Variants in SGCZ observed in about 807,000 individuals in gnomAD.
SGCZ encodes zeta-sarcoglycan.
Under a neutral mutation model 41.3 loss-of-function variants are expected in SGCZ, and 40 were observed. That is an observed-to-expected ratio of 0.97 (90% CI 0.75 to 1.26). SGCZ has a LOEUF of 1.26. SGCZ is among the 50% of genes most tolerant of loss of function. The pLI is 0.00. For synonymous variants in SGCZ, 206 were observed against 137.5 expected, an observed-to-expected ratio of 1.50 and a Z score of -3.49; for missense variants, 552 against 369.8, an observed-to-expected ratio of 1.49 and a Z score of -4.04.
chr8:15,110,741 G>A (rs999460261), intron 1 of SGCZ, among the ~76,000 whole-genome samples: 2 of 152,160 alleles, frequency 1.3e-5, no homozygotes, highest in African/African-American at 2.4e-5. Flanking sequence ...AGCCAAGGCG[G>A]GCGGATCACC....
At chr8:14,889,346 C>A (rs921630091) in intron 1 of SGCZ, among the ~76,000 whole-genome samples, 2 of 151,788 alleles carry the variant, frequency 1.3e-5, no homozygotes, top group Non-Finnish European at 2.9e-5. Flanking sequence ...TTTACTTCAA[C>A]CTGTATTTAA....
rs77724170 is a variant in SGCZ at position 14,761,931 on chromosome 8, G to A, written c.40-207005C>T. ...CTGAGGAAACCACCTTTCCAAGTGCGTAGAGTCAGAACTGCACCAATTTCT... is the reference window on the plus strand; with the variant it reads ...CTGAGGAAACCACCTTTCCAAGTGCATAGAGTCAGAACTGCACCAATTTCT... On this transcript the variant is annotated intron_variant, in intron 1 of 7. Transcript: ENST00000382080. Among the ~76,000 whole-genome samples, 475 of 152,222 alleles carry A rather than the reference G, an allele frequency of 3.1e-3. 1 individual carries two copies. Among genetic ancestry groups the A allele is most frequent in the Non-Finnish European group, 5.7e-3 (388 of 68,016 alleles).
chr8:15,001,934 G>C (rs1802439564), intron 1 of SGCZ, among the ~76,000 whole-genome samples: 1 of 152,076 alleles, frequency 6.6e-6, no homozygotes, highest in Non-Finnish European at 1.5e-5. Flanking sequence ...TTTGATTCCT[G>C]ATGATACCAG....
At chr8:15,102,460 A>G (rs570729567) in intron 1 of SGCZ, among the ~76,000 whole-genome samples, 2 of 152,336 alleles carry the variant, frequency 1.3e-5, no homozygotes, top group South Asian at 2.1e-4. Context: ...GACATTATGC[A>G]TTTGTCAAAA....
intron 3 of SGCZ, among the ~76,000 whole-genome samples, chr8:14,277,938 G>A (rs1800293401): frequency 6.6e-6 from 1 of 152,106 alleles, no homozygotes; most frequent in Non-Finnish European, 1.5e-5. Flanking sequence ...GAGAGAGACA[G>A]ACAAAAGAAG....
In SGCZ at chr8:14,087,121, C is replaced by G. The variant is rs528848176; in HGVS notation, c.*3322G>C. Among the ~76,000 whole-genome samples the G allele has an allele frequency of 2.8e-4, 43 of 151,568 alleles. No individual in the cohort carries two copies. The highest frequency in any genetic ancestry group is 8.7e-4 in the African/African-American group (36 of 41,446). ...AGTAAAATTTGAGGTGTATAATTGTCTTAAACTCTTAGATAAATAATTATG... is the reference window on the plus strand; with the variant it reads ...AGTAAAATTTGAGGTGTATAATTGTGTTAAACTCTTAGATAAATAATTATG... On this transcript the variant is annotated 3_prime_UTR_variant, in exon 8 of 8. Transcript: ENST00000382080.
chr8:14,801,213 G>A (rs949377968), intron 1 of SGCZ, among the ~76,000 whole-genome samples: 4 of 152,138 alleles, frequency 2.6e-5, no homozygotes. Context: ...CACAAACTCA[G>A]TGTATTGAAA....
At chr8:15,049,329 A>G (rs1006912521) in intron 1 of SGCZ, among the ~76,000 whole-genome samples, 4 of 152,104 alleles carry the variant, frequency 2.6e-5, no homozygotes, top group Non-Finnish European at 5.9e-5. Context: ...CTATTCAACA[A>G]TCCAAAAGAT....
At chr8:15,014,896 C>G (rs79599081) in intron 1 of SGCZ, among the ~76,000 whole-genome samples, 1 of 152,200 alleles carries the variant, frequency 6.6e-6, no homozygotes, top group Admixed American at 6.5e-5. Flanking sequence ...CTGGCCCAAG[C>G]AGCCTTCTGT....
chr8:14,162,594 G>T (rs773251935), intron 5 of SGCZ: 4 of 152,182 alleles, frequency 2.6e-5, no homozygotes, highest in Non-Finnish European at 4.4e-5. Flanking sequence ...ACTCAAGAAG[G>T]TCAATCTGTA....
intron 1 of SGCZ, among the ~76,000 whole-genome samples, chr8:15,229,200 A>G (rs914159320): frequency 1.3e-5 from 2 of 151,990 alleles, no homozygotes; most frequent in Non-Finnish European, 2.9e-5. Context: ...TCAAAAAATA[A>G]AAAAAAATGC....
At chr8:14,285,590 T>TA (rs5889528) in intron 3 of SGCZ, among the ~76,000 whole-genome samples, 147,086 of 152,144 alleles carry the variant, frequency 0.97, 71,262 homozygotes, top group East Asian at 1. Flanking sequence ...GTGTTAAAAA[T>TA]AAAACAAATG....
intron 1 of SGCZ, among the ~76,000 whole-genome samples, chr8:14,775,124 G>C (rs1433670488): frequency 2.0e-5 from 3 of 152,168 alleles, no homozygotes. Context: ...ATCTTGGCTA[G>C]TTACAACTTC....
At chr8:14,197,166 G>T (rs1427998967) in intron 4 of SGCZ, among the ~76,000 whole-genome samples, 1 of 152,088 alleles carries the variant, frequency 6.6e-6, no homozygotes, top group East Asian at 1.9e-4. Flanking sequence ...TGAAGGTCCG[G>T]ATGGCTTTCT....
At chr8:15,083,951 C>T (rs2131050247) in intron 1 of SGCZ, among the ~76,000 whole-genome samples, 1 of 151,930 alleles carries the variant, frequency 6.6e-6, no homozygotes, top group Non-Finnish European at 1.5e-5. Flanking sequence ...TTTAAGATTG[C>T]TGCGTTCTAG....
intron 2 of SGCZ, among the ~76,000 whole-genome samples, chr8:14,419,900 C>T (rs1207496913): frequency 1.3e-5 from 2 of 151,966 alleles, no homozygotes; most frequent in Admixed American, 6.6e-5. Flanking sequence ...TCTAAAGCGA[C>T]GAGAAAGCAT....
intron 1 of SGCZ, among the ~76,000 whole-genome samples, chr8:15,060,760 C>T (rs1250699935): frequency 1.3e-5 from 2 of 150,454 alleles, no homozygotes; most frequent in African/African-American, 4.9e-5. Flanking sequence ...ATTCTGGGTT[C>T]TTACATTCTT....
chr8:14,775,235 C>G (rs1800366128), intron 1 of SGCZ, among the ~76,000 whole-genome samples: 1 of 151,950 alleles, frequency 6.6e-6, no homozygotes, highest in Non-Finnish European at 1.5e-5. Context: ...TCCAGACCAC[C>G]CTTTGAGTAG....
intron 1 of SGCZ, among the ~76,000 whole-genome samples, chr8:14,645,478 T>TTATATATATA (rs1046258520): frequency 6.0e-4 from 64 of 106,608 alleles, no homozygotes; most frequent in South Asian, 1.5e-3. Context: ...ATATATATAT[T>TTATATATATA]TATATGTATA....
Sources: allele counts gnomAD v4.1 joint callset (sites outside exome capture counted in the v4.1 genomes callset), GRCh38; gene constraint gnomAD v4.1.1; transcripts MANE v1.5; gene names NCBI Gene and HGNC (gene_info 2026-07-23, HGNC 2026-07-21).